The following AKNA variants were observed in gnomAD, a reference collection of about 807,000 sequenced individuals.
AKNA encodes the protein microtubule organization protein AKNA.
In AKNA, 67 loss-of-function variants were observed where a neutral mutation model predicts 138.8. The ratio of observed to expected loss-of-function variants is 0.48; its 90% confidence interval spans 0.40 to 0.59. The LOEUF is 0.59. AKNA is among the 20% of genes least tolerant of loss of function. The probability of loss-of-function intolerance (pLI) is 0.00; values close to 1 mark genes in which losing one functional copy is unlikely to be tolerated. For missense variants in AKNA, 1,813 were observed against 1,880.4 expected (o/e 0.96, Z 0.66); for synonymous variants, 737 against 754.4 (o/e 0.98, Z 0.38).
chr9:114,364,716 C>T (rs931652907), intron 6 of AKNA, 97 bp from the exon 7 acceptor site: 4 of 1,296,704 alleles, frequency 3.1e-6, no homozygotes, highest in Middle Eastern at 2.4e-4. Context: ...GGAGCTGGGT[C>T]CGTCCTCAGG....
At chr9:114,373,724 GA>G (rs34565416) in intron 4 of AKNA, among the ~76,000 whole-genome samples, 255 of 143,512 alleles carry the variant, frequency 1.8e-3, no homozygotes, top group African/African-American at 4.9e-3. Context: ...ACAAAACATT[GA>G]AAAAAAAAAA....
intron 21 of AKNA, among the ~76,000 whole-genome samples, chr9:114,338,088 TAAA>T (rs960861947): frequency 3.9e-5 from 6 of 152,002 alleles, no homozygotes; most frequent in Non-Finnish European, 5.9e-5. Context: ...AGGAGGGAGA[TAAA>T]GAAGCATGGA....
downstream of AKNA, among the ~76,000 whole-genome samples, chr9:114,331,395 T>C (rs1458681307): frequency 1.3e-5 from 2 of 152,078 alleles, no homozygotes; most frequent in Non-Finnish European, 2.9e-5. Flanking sequence ...CAGAAAGTGC[T>C]TGGCGTGGAG....
Position 114,336,918 on chromosome 9 carries a change from G to C in AKNA, c.*136C>G. ...GGAAAGCACAGGGACTGAGCAGGCG[G>C]GACCTGTGCTGGAGGGAGACCCTCC... On this transcript the variant is annotated 3_prime_UTR_variant, in exon 22 of 22. Coordinates refer to ENST00000374088, the MANE Select transcript of AKNA (RefSeq NM_001317950.2). 8.6e-7 allele frequency: 1 copy of C among 1,163,494 alleles called. No homozygotes were observed. The highest frequency in any genetic ancestry group is 1.1e-6 in the Non-Finnish European group (1 of 873,156). 72.1% of individuals were successfully genotyped at this position (1,163,494 alleles called of 1,614,324 possible).
At chr9:114,390,991 C>T (rs1834313230), upstream of AKNA, among the ~76,000 whole-genome samples, 1 of 152,262 alleles carries the variant, frequency 6.6e-6, no homozygotes, top group African/African-American at 2.4e-5. Flanking sequence ...CAGGACCCAG[C>T]ACACAGGCCC....
chr9:114,358,564 G>C (rs538487893), intron 11 of AKNA, among the ~76,000 whole-genome samples: 1 of 151,722 alleles, frequency 6.6e-6, no homozygotes, highest in South Asian at 2.1e-4. Context: ...AACTAACTTT[G>C]AGGATAAATA....
rs761919465 is a variant in AKNA, at chr9:114,381,269, C to T, written c.65G>A (p.Arg22Gln). 3.5e-5 allele frequency: 56 copies of T among 1,613,004 alleles called. No individual in the cohort carries two copies. Among genetic ancestry groups the T allele is most frequent in the Non-Finnish European group, 4.2e-5 (49 of 1,179,614 alleles). The change falls in exon 2 of 22, where the codon CGG (arginine) becomes CAG (glutamine). Residue 22 changes from arginine to glutamine, a missense_variant. Coordinates refer to ENST00000374088, the MANE Select transcript of AKNA (RefSeq NM_001317950.2). Reference sequence around the variant, plus strand: ...CTTGTCCTCGGCCCAGGCCCAGCGCCGCCGCTGGGGGCCCTTCCCCAGGCC... The same window carrying T: ...CTTGTCCTCGGCCCAGGCCCAGCGCTGCCGCTGGGGGCCCTTCCCCAGGCC... ...EPGLGKGPQR[R>Q]RWAWAEDKRD...
At chr9:114,373,338 C>G (rs886469117) in intron 4 of AKNA, among the ~76,000 whole-genome samples, 1 of 152,128 alleles carries the variant, frequency 6.6e-6, no homozygotes, top group African/African-American at 2.4e-5. Flanking sequence ...CTGCCCCATA[C>G]TGCTGTTCAG....
At chr9:114,360,834 T>C (rs1210274835) in intron 9 of AKNA, among the ~76,000 whole-genome samples, 1 of 152,176 alleles carries the variant, frequency 6.6e-6, no homozygotes, top group Non-Finnish European at 1.5e-5. Flanking sequence ...ATAGTGATTG[T>C]CTCTCAAGGG....
At chr9:114,379,402 G>C (rs1450069715) in intron 2 of AKNA, among the ~76,000 whole-genome samples, 2 of 152,216 alleles carry the variant, frequency 1.3e-5, no homozygotes, top group African/African-American at 4.8e-5. Context: ...CATAGCAGGG[G>C]GTTACCATGT....
At chr9:114,369,010 T>A (rs900034406) in intron 4 of AKNA, among the ~76,000 whole-genome samples, 1 of 152,240 alleles carries the variant, frequency 6.6e-6, no homozygotes, top group Non-Finnish European at 1.5e-5. Flanking sequence ...ATATACCATA[T>A]AACATATAAT....
At chr9:114,359,515 C>G in intron 11 of AKNA, 79 bp downstream of exon 11, 1 of 1,609,902 alleles carries the variant, frequency 6.2e-7, no homozygotes, top group Non-Finnish European at 8.5e-7. Context: ...GAAGCGCTGT[C>G]TTATTCACTC....
At chr9:114,365,952 T>C (rs1444554526) in intron 6 of AKNA, among the ~76,000 whole-genome samples, 3 of 152,116 alleles carry the variant, frequency 2.0e-5, no homozygotes, top group Non-Finnish European at 2.9e-5. Flanking sequence ...GGACAACATA[T>C]AGGACGAAGA....
chr9:114,392,937 G>A (rs1834399812), upstream of AKNA, among the ~76,000 whole-genome samples: 7 of 152,316 alleles, frequency 4.6e-5, no homozygotes, highest in South Asian at 1.0e-3. Context: ...TGAGGAGGGT[G>A]TGGCCATATT....
In AKNA at chr9:114,335,475, C is replaced by T. The variant is rs10739407; in HGVS notation, c.*1579G>A. 124,667 of 152,252 alleles carry T rather than the reference C, an allele frequency of 0.82. 51,500 individuals carry two copies. Among genetic ancestry groups the T allele is most frequent in the African/African-American group, 0.93 (38,551 of 41,546 alleles). 9.4% of individuals were successfully genotyped at this position (152,252 alleles called of 1,614,324 possible). On this transcript the variant is annotated 3_prime_UTR_variant, in exon 22 of 22. Transcript: ENST00000374088. ...CCTAAATGGCAGGTGCTGTTTGCTA[C>T]TGAAAGTACTGGAAGGCTGGGCGCC...
chr9:114,395,202 T>C (rs138932898), upstream of AKNA, among the ~76,000 whole-genome samples: 337 of 152,254 alleles, frequency 2.2e-3, 1 homozygote, highest in Admixed American at 4.6e-3. Context: ...TCTGATATCC[T>C]CATCTACAGA....
chr9:114,380,466 A>G (rs1833556532), intron 2 of AKNA, among the ~76,000 whole-genome samples: 2 of 151,926 alleles, frequency 1.3e-5, no homozygotes, highest in East Asian at 1.9e-4. Flanking sequence ...CCTTATTCAC[A>G]TTACATTTGC....
In AKNA at chr9:114,362,420, T is replaced by A; in HGVS notation, c.1902A>T (p.Arg634Ser). Residue 634 changes from arginine to serine, a missense_variant, in exon 8 of 22, where the codon AGA (arginine) becomes AGT (serine). Coordinates refer to ENST00000374088, the MANE Select transcript of AKNA (RefSeq NM_001317950.2). ...CCAGCAGGTACCTGCGAGGATCAAA[T>A]CTTCCAGGCGTCCCCTTGGAGCCGG... ...PLAGSKGTPG[R>S]FDPRRELEAE... 1 of 1,611,676 alleles carries A rather than the reference T, an allele frequency of 6.2e-7. No individual in the cohort carries two copies. Among genetic ancestry groups the A allele is most frequent in the Non-Finnish European group, 8.5e-7 (1 of 1,178,962 alleles).
chr9:114,352,884 G>A (rs1831230474), intron 14 of AKNA, among the ~76,000 whole-genome samples: 1 of 151,026 alleles, frequency 6.6e-6, no homozygotes, highest in South Asian at 2.1e-4. Context: ...GTGCACCATT[G>A]CACTCCAGCC....
Sources: allele counts gnomAD v4.1 joint callset (sites outside exome capture counted in the v4.1 genomes callset), GRCh38; gene constraint gnomAD v4.1.1; transcripts MANE v1.5; gene names NCBI Gene and HGNC (gene_info 2026-07-23, HGNC 2026-07-21).